The following MECOM variants were observed in gnomAD, a reference collection of about 807,000 sequenced individuals.
The protein encoded by MECOM is histone-lysine N-methyltransferase MECOM.
MECOM carries 13 observed loss-of-function variants against 116.3 expected under a neutral mutation model. The ratio of observed to expected loss-of-function variants is 0.11; its 90% CI spans 0.07 to 0.18. The LOEUF is 0.18. Among genes scored for constraint, MECOM ranks in the 10% least tolerant of loss-of-function variants. MECOM has a pLI of 1.00. For synonymous variants in MECOM, 528 were observed against 535.2 expected, an observed-to-expected ratio of 0.99 and a Z score of 0.19; for missense variants, 1,299 against 1,509.0, an observed-to-expected ratio of 0.86 and a Z score of 2.31.
Position 169,611,973 on chromosome 3 carries a change from C to T in MECOM, c.37+51363G>A, listed in dbSNP as rs972079210. 1.3e-5 allele frequency among the ~76,000 whole-genome samples: 2 copies of T among 152,104 alleles called. No individual in the cohort carries two copies. Among genetic ancestry groups the T allele is most frequent in the Admixed American group, 6.6e-5 (1 of 15,258 alleles). The stretch of plus-strand genomic sequence containing the variant: ...AATTCTTTGTGATGGGGAGCTGTCC[C>T]GTGCATTATAAAATATTGAGCAGTG... On this transcript the variant is annotated intron_variant, in intron 1 of 16. Transcript: ENST00000651503. The surrounding 1 kb of genome is among the most constrained non-coding windows in gnomAD (Gnocchi z 4.1).
chr3:169,087,764 A>G (rs1421514855), intron 16 of MECOM, among the ~76,000 whole-genome samples: 1 of 152,182 alleles, frequency 6.6e-6, no homozygotes, highest in Non-Finnish European at 1.5e-5. Flanking sequence ...GTTTACCTTT[A>G]ATGTTAAAAA....
At chr3:169,263,906 A>C (rs1757942765) in intron 2 of MECOM, among the ~76,000 whole-genome samples, 1 of 152,138 alleles carries the variant, frequency 6.6e-6, no homozygotes, top group Non-Finnish European at 1.5e-5. Flanking sequence ...AAAGATAACA[A>C]ATGAAAATTA....
intron 1 of MECOM, among the ~76,000 whole-genome samples, chr3:169,592,892 T>C (rs1165702985): frequency 2.6e-5 from 4 of 152,216 alleles, no homozygotes; most frequent in Non-Finnish European, 5.9e-5. Flanking sequence ...AGGCATGATA[T>C]GTATTTACAC....
chr3:169,523,769 T>C (rs549246881), intron 1 of MECOM, among the ~76,000 whole-genome samples: 2 of 151,954 alleles, frequency 1.3e-5, no homozygotes, highest in South Asian at 4.2e-4. Context: ...AATTTTTCAA[T>C]ACAAGTATAT....
rs184410188 is a variant in MECOM at position 169,500,136 on chromosome 3, A to T, written c.38-118612T>A. 4.6e-5 allele frequency among the ~76,000 whole-genome samples: 7 copies of T among 152,228 alleles called. No individual in the cohort carries two copies. The East Asian group carries it at 1.3e-3, about 29-fold the overall frequency. On this transcript the variant is annotated intron_variant, in intron 1 of 16. Transcript: ENST00000651503. ...GAAGGTTTAAAATAACTGAATAAAA[A>T]TATTAGAAAAAGCCTATTTATTAGA...
intron 1 of MECOM, among the ~76,000 whole-genome samples, chr3:169,394,357 G>A (rs1357080900): frequency 2.0e-5 from 3 of 152,270 alleles, no homozygotes; most frequent in African/African-American, 7.2e-5. Context: ...TGTAATATAA[G>A]GCTGCATTAA....
chr3:169,251,927 TA>T (rs1756289216), intron 2 of MECOM, among the ~76,000 whole-genome samples: 1 of 152,212 alleles, frequency 6.6e-6, no homozygotes, highest in Non-Finnish European at 1.5e-5. Context: ...TATTACAATG[TA>T]ATATACAGAT....
chr3:169,259,015 C>T (rs528532474), intron 2 of MECOM, among the ~76,000 whole-genome samples: 23 of 152,272 alleles, frequency 1.5e-4, no homozygotes, highest in Non-Finnish European at 4.4e-5. Flanking sequence ...CATCCCAAAT[C>T]TCAGGCTCTC....
At chr3:169,288,228 T>TAAA (rs11425785) in intron 2 of MECOM, among the ~76,000 whole-genome samples, 1 of 140,096 alleles carries the variant, frequency 7.1e-6, no homozygotes, top group African/African-American at 2.5e-5. Context: ...CAAGTTTTAG[T>TAAA]AAAAAAAAAA....
intron 1 of MECOM, among the ~76,000 whole-genome samples, chr3:169,416,167 C>A (rs1168862889): frequency 6.6e-6 from 1 of 152,140 alleles, no homozygotes; most frequent in Non-Finnish European, 1.5e-5. Flanking sequence ...GAAATCATAA[C>A]AAACAGTCTC....
At chr3:169,525,407 C>T (rs1157801918) in intron 1 of MECOM, among the ~76,000 whole-genome samples, 5 of 152,104 alleles carry the variant, frequency 3.3e-5, no homozygotes, top group Admixed American at 1.3e-4. Flanking sequence ...GTAAATCTTT[C>T]GTAGTAATTC....
chr3:169,101,629 A>G (rs774363383), intron 11 of MECOM, among the ~76,000 whole-genome samples: 2 of 152,196 alleles, frequency 1.3e-5, no homozygotes, highest in Non-Finnish European at 2.9e-5. Flanking sequence ...ACTGATGAGT[A>G]ACAAAAAATT....
chr3:169,248,008 T>C (rs909837511), intron 2 of MECOM, among the ~76,000 whole-genome samples: 3 of 152,234 alleles, frequency 2.0e-5, no homozygotes, highest in Non-Finnish European at 4.4e-5. Flanking sequence ...ATGAGAATTA[T>C]CATAATACTT....
At chr3:169,663,147 G>A (rs936547912) in intron 1 of MECOM, among the ~76,000 whole-genome samples, 189 bp downstream of exon 1, 1 of 151,222 alleles carries the variant, frequency 6.6e-6, no homozygotes, top group Non-Finnish European at 1.5e-5. Context: ...GCCCAACCCG[G>A]GAGCGAGAGC....
At chr3:169,087,819 C>T (rs1249089343) in intron 16 of MECOM, among the ~76,000 whole-genome samples, 1 of 152,074 alleles carries the variant, frequency 6.6e-6, no homozygotes, top group African/African-American at 2.4e-5. Flanking sequence ...ATCCACTTAC[C>T]CCTTTTACAA....
At chr3:169,099,630 G>T (rs1722888816) in intron 12 of MECOM, among the ~76,000 whole-genome samples, 1 of 151,996 alleles carries the variant, frequency 6.6e-6, no homozygotes, top group Non-Finnish European at 1.5e-5. Flanking sequence ...TTTGAAATCT[G>T]ATAAATAACT....
chr3:169,536,566 A>G (rs1045578397), intron 1 of MECOM, among the ~76,000 whole-genome samples: 6 of 151,964 alleles, frequency 3.9e-5, no homozygotes, highest in African/African-American at 1.4e-4. Context: ...AAAAAAAAAG[A>G]AAAAGAAAAA....
intron 2 of MECOM, among the ~76,000 whole-genome samples, chr3:169,265,457 T>C (rs2149631141): frequency 6.6e-6 from 1 of 152,374 alleles, no homozygotes; most frequent in South Asian, 2.1e-4. Context: ...TTATTGTCTC[T>C]AATTTGTAGT....
At chr3:169,393,754 T>C (rs1734592218) in intron 1 of MECOM, among the ~76,000 whole-genome samples, 1 of 152,150 alleles carries the variant, frequency 6.6e-6, no homozygotes, top group Non-Finnish European at 1.5e-5. Context: ...AGACTATAGC[T>C]ATGCTAATTA....
Sources: gnomAD v4.1 joint callset for allele counts (sites outside exome capture counted in the v4.1 genomes callset) on GRCh38, gnomAD v4.1.1 for gene constraint, Gnocchi (gnomAD v3.1) non-coding constraint, MANE v1.5 for transcripts, NCBI Gene and HGNC (gene_info 2026-07-23, HGNC 2026-07-21) for gene names.